Variants in PCDHA2 observed in about 807,000 individuals in gnomAD.
PCDHA2 encodes the protein protocadherin alpha 2.
A neutral mutation model predicts 66.0 loss-of-function variants in PCDHA2; 58 were observed. The ratio of observed to expected loss-of-function variants is 0.88; its 90% CI spans 0.71 to 1.09. The LOEUF (loss-of-function observed/expected upper bound fraction) is 1.09. PCDHA2 is among the 50% of genes least tolerant of loss of function. The pLI is 0.00. For synonymous variants in PCDHA2, 634 were observed against 554.0 expected, an observed-to-expected ratio of 1.14 and a Z score of -2.03; for missense variants, 1,267 against 1,242.3, an observed-to-expected ratio of 1.02 and a Z score of -0.30.
At chr5:140,887,442 T>C (rs2061450115) in intron 1 of PCDHA2, among the ~76,000 whole-genome samples, 1 of 152,180 alleles carries the variant, frequency 6.6e-6, no homozygotes, top group Non-Finnish European at 1.5e-5. Context: ...CTGGGCATAG[T>C]TGACAGTTTT....
chr5:140,801,806 G>A (rs782356217), intron 1 of PCDHA2: 8 of 1,614,034 alleles, frequency 5.0e-6, no homozygotes, highest in Non-Finnish European at 3.4e-6. Context: ...TAAATCGAGA[G>A]GACACTCCTA....
intron 1 of PCDHA2, chr5:140,843,208 C>A: frequency 6.3e-7 from 1 of 1,596,004 alleles, no homozygotes; most frequent in South Asian, 1.1e-5. Context: ...TGTACACGGG[C>A]GAGATCAGCA....
In PCDHA2 at chr5:140,797,302, C is replaced by A; in HGVS notation, c.2338C>A (p.Pro780Thr). The A allele has an allele frequency of 6.2e-7, 1 of 1,614,176 alleles. No individual in the cohort carries two copies. Among genetic ancestry groups the A allele is most frequent in the Non-Finnish European group, 8.5e-7 (1 of 1,180,028 alleles). Residue 780 changes from proline to threonine, a missense_variant, in exon 1 of 4, where the codon CCA (proline) becomes ACA (threonine). Coordinates refer to ENST00000526136, the MANE Select transcript of PCDHA2 (RefSeq NM_018905.3). Reference protein sequence around the residue: ...MAFSPSLSQGPDSAEEKQLSE... With the variant: ...MAFSPSLSQGTDSAEEKQLSE... The stretch of plus-strand genomic sequence containing the variant: ...CTTCAGCCCTAGCTTATCTCAAGGT[C>A]CAGACTCCGCAGAAGAGAAACAGCT...
chr5:140,997,606 A>G (rs1554255929), intron 3 of PCDHA2, among the ~76,000 whole-genome samples: 1 of 152,090 alleles, frequency 6.6e-6, no homozygotes, highest in Non-Finnish European at 1.5e-5. Context: ...TATGGGGCGC[A>G]TGACTATATA....
rs781936039 is a variant in PCDHA2 at position 140,809,371 on chromosome 5, C to T, written c.2388+12019C>T. 12 of 1,613,986 alleles carry T rather than the reference C, an allele frequency of 7.4e-6. No homozygotes were observed. In the Admixed American group the frequency reaches 8.3e-5, roughly 11 times the overall value. On this transcript the variant is annotated intron_variant, in intron 1 of 3. Coordinates refer to ENST00000526136, the MANE Select transcript of PCDHA2 (RefSeq NM_018905.3). ...CGCTGCGGTGCTCTGCGCTGCCCAC[C>T]GAGGGCGCGTGCGCTCCGGGCAAGC...
intron 3 of PCDHA2, among the ~76,000 whole-genome samples, chr5:141,008,307 G>A (rs1212029861): frequency 2.0e-5 from 3 of 152,176 alleles, no homozygotes; most frequent in Admixed American, 1.3e-4. Context: ...ACCCTAAACT[G>A]TAATTGAACA....
intron 1 of PCDHA2, chr5:140,797,565 GCA>G: frequency 2.9e-6 from 2 of 679,106 alleles, no homozygotes; most frequent in Non-Finnish European, 4.9e-6. Flanking sequence ...TTACATTTTG[GCA>G]CTTCCATCAT....
At chr5:140,969,439 T>C (rs1554231802) in intron 1 of PCDHA2, 2 of 1,546,634 alleles carry the variant, frequency 1.3e-6, no homozygotes, top group Admixed American at 3.9e-5. Context: ...AAGAGTTATC[T>C]GGTAAACTGA....
At chr5:140,852,901 CA>C in intron 1 of PCDHA2, 4 of 823,926 alleles carry the variant, frequency 4.9e-6, no homozygotes, top group Non-Finnish European at 6.0e-6. Context: ...TTTTTTGAGT[CA>C]GAGTCTCGCT....
intron 1 of PCDHA2, chr5:140,869,331 G>T: frequency 6.2e-7 from 1 of 1,613,954 alleles, no homozygotes; most frequent in Non-Finnish European, 8.5e-7. Flanking sequence ...ACCTTCTGGA[G>T]GTAAATCTGC....
chr5:140,997,781 C>T (rs1207024588), intron 3 of PCDHA2, among the ~76,000 whole-genome samples: 3 of 151,626 alleles, frequency 2.0e-5, no homozygotes, highest in African/African-American at 7.3e-5. Flanking sequence ...TGTTGTATAC[C>T]TATATTATAA....
At chr5:140,801,350 C>T (rs781952584) in intron 1 of PCDHA2, 9 of 1,613,246 alleles carry the variant, frequency 5.6e-6, no homozygotes, top group Middle Eastern at 3.6e-4. Flanking sequence ...TCGCGCAGGA[C>T]CTGGGGCTGG....
chr5:140,843,082 G>C (rs1265027526), intron 1 of PCDHA2: 3 of 1,595,314 alleles, frequency 1.9e-6, no homozygotes, highest in African/African-American at 1.3e-5. Flanking sequence ...CTGTGGGCGC[G>C]GGCCACGTGG....
chr5:140,969,117 A>G (rs1554231477), intron 1 of PCDHA2: 1 of 1,614,178 alleles, frequency 6.2e-7, no homozygotes, highest in Non-Finnish European at 8.5e-7. Context: ...GTTCGAGGGA[A>G]TGGCTCCCTC....
intron 1 of PCDHA2, chr5:140,836,271 G>A: frequency 1.9e-6 from 3 of 1,613,806 alleles, no homozygotes; most frequent in Non-Finnish European, 2.5e-6. Context: ...GTACACTGGT[G>A]AGATCAGCAC....
intron 1 of PCDHA2, among the ~76,000 whole-genome samples, chr5:140,943,906 C>T (rs963288804): frequency 2.0e-5 from 3 of 152,156 alleles, no homozygotes; most frequent in African/African-American, 7.2e-5. Context: ...ATGTCATGAG[C>T]ACTTTAGCAT....
At chr5:140,867,198 C>A (rs1286853388) in intron 1 of PCDHA2, 1 of 152,110 alleles carries the variant, frequency 6.6e-6, no homozygotes, top group East Asian at 1.9e-4. Flanking sequence ...ACTCCACATT[C>A]CATGTAACAT....
chr5:141,000,413 A>T (rs1563651324), intron 3 of PCDHA2, among the ~76,000 whole-genome samples: 4 of 93,212 alleles, frequency 4.3e-5, no homozygotes, highest in African/African-American at 1.8e-4. Flanking sequence ...ATATATATAT[A>T]TATATATATT....
At position 140,803,078 on chromosome 5, in the gene PCDHA2, C is replaced by G. The variant is rs781941927; in HGVS notation, c.2388+5726C>G. ...GCATCCCGTTTCGCGTGGGGCTGTA[C>G]ACGGGAGAGATCAGCACGACCCGTG... On this transcript the variant is annotated intron_variant, in intron 1 of 3. Transcript: ENST00000526136. The G allele has an allele frequency of 3.1e-6, 5 of 1,613,930 alleles. No homozygotes were observed. In the Admixed American group the frequency reaches 8.3e-5, roughly 27 times the overall value.
Sources: gnomAD v4.1 joint callset for allele counts (sites outside exome capture counted in the v4.1 genomes callset) on GRCh38, gnomAD v4.1.1 for gene constraint, MANE v1.5 for transcripts, NCBI Gene and HGNC (gene_info 2026-07-23, HGNC 2026-07-21) for gene names.